The following CDH2 variants were observed in gnomAD, a reference collection of about 807,000 sequenced individuals.
The protein encoded by CDH2 is cadherin-2.
Under a neutral mutation model 92.0 loss-of-function variants are expected in CDH2, and 17 were observed. That is an observed-to-expected ratio of 0.18 (90% CI 0.13 to 0.28). CDH2 has a LOEUF of 0.28. Ranked by LOEUF, CDH2 falls within the 10% of genes least tolerant of loss-of-function variation. The pLI is 1.00. For synonymous variants in CDH2, 419 were observed against 415.9 expected, an observed-to-expected ratio of 1.01 and a Z score of -0.09; for missense variants, 862 against 1,133.1, an observed-to-expected ratio of 0.76 and a Z score of 3.44.
At chr18:27,998,607 G>C (rs2012663809) in intron 7 of CDH2, among the ~76,000 whole-genome samples, 1 of 152,158 alleles carries the variant, frequency 6.6e-6, no homozygotes, top group African/African-American at 2.4e-5. Context: ...AGGAGTGGAA[G>C]TATTTTTTGC....
Position 27,990,332 on chromosome 18 carries a change from T to C in CDH2, c.1363A>G (p.Asn455Asp). 6.2e-7 allele frequency: 1 copy of C among 1,611,428 alleles called. No homozygotes were observed. Among genetic ancestry groups the C allele is most frequent in the East Asian group, 2.2e-5 (1 of 44,822 alleles). The change falls in exon 10 of 16, where the codon AAT becomes GAT. Residue 455 changes from asparagine to aspartate, a missense_variant. Asn to Asp is a conservative substitution (Grantham distance 23). Coordinates refer to ENST00000269141, the MANE Select transcript of CDH2 (RefSeq NM_001792.5). ...GCAACAGTAAGGACAAACATCCTAT[T>C]TGTTTCAAAGTCGATTGGCTGGAAA... is the stretch of plus-strand genomic sequence containing the variant. ...TVVKPIDFET[N>D]RMFVLTVAAE...
chr18:28,062,643 A>G (rs1294228329), intron 2 of CDH2, among the ~76,000 whole-genome samples: 1 of 152,198 alleles, frequency 6.6e-6, no homozygotes, highest in Non-Finnish European at 1.5e-5. Context: ...ATGATGCAAC[A>G]TTAAGAAAAA....
chr18:28,039,970 C>T (rs982731942), intron 2 of CDH2, among the ~76,000 whole-genome samples: 4 of 152,118 alleles, frequency 2.6e-5, no homozygotes, highest in South Asian at 2.1e-4. Context: ...AACAACTGAC[C>T]GGCAATGCCA....
At chr18:27,944,685 CTGAAG>C (rs1414823007) in intron 6 of CDH2, among the ~76,000 whole-genome samples, 2 of 143,414 alleles carry the variant, frequency 1.4e-5, no homozygotes, top group Non-Finnish European at 3.0e-5. Context: ...ATTTGAGAGG[CTGAAG>C]TGGAGGATCA....
At chr18:27,972,476 A>G (rs928364096) in intron 14 of CDH2, among the ~76,000 whole-genome samples, 2 of 152,224 alleles carry the variant, frequency 1.3e-5, no homozygotes, top group Admixed American at 6.5e-5. Context: ...AGCAGTGTCC[A>G]TTTCATGGAG....
chr18:27,985,484 ATCTC>A, intron 12 of CDH2, 40 bp downstream of exon 12: 2 of 1,295,758 alleles, frequency 1.5e-6, no homozygotes, highest in Admixed American at 4.0e-5. Context: ...AGGCTTCAAA[ATCTC>A]TCAACTGCAC....
intron 2 of CDH2, among the ~76,000 whole-genome samples, chr18:28,015,195 A>G (rs1430083636): frequency 6.6e-6 from 1 of 152,218 alleles, no homozygotes; most frequent in Non-Finnish European, 1.5e-5. Flanking sequence ...CCACATCTAA[A>G]TAACAGGCAT....
intron 1 of CDH2, among the ~76,000 whole-genome samples, chr18:28,171,922 TC>T (rs991409112): frequency 1.3e-5 from 2 of 152,174 alleles, no homozygotes; most frequent in Non-Finnish European, 2.9e-5. Flanking sequence ...ACAAGGGCAT[TC>T]ACTTACACAG....
At chr18:28,094,566 G>A (rs1219558351) in intron 2 of CDH2, among the ~76,000 whole-genome samples, 4 of 151,576 alleles carry the variant, frequency 2.6e-5, no homozygotes, top group Non-Finnish European at 4.4e-5. Flanking sequence ...AGGCTGAGGC[G>A]GGCGGATCAC....
At chr18:28,149,167 A>C (rs1183366510) in intron 1 of CDH2, among the ~76,000 whole-genome samples, 1 of 152,184 alleles carries the variant, frequency 6.6e-6, no homozygotes, top group African/African-American at 2.4e-5. Flanking sequence ...ATGAATGTGG[A>C]TATATCCTCC....
intron 1 of CDH2, among the ~76,000 whole-genome samples, chr18:28,173,800 G>T (rs1177701492): frequency 6.6e-6 from 1 of 152,080 alleles, no homozygotes; most frequent in East Asian, 1.9e-4. Context: ...TAGGTCAATG[G>T]TAAAAGCAAC....
intron 2 of CDH2, among the ~76,000 whole-genome samples, chr18:28,058,449 A>C (rs1285065057): frequency 6.6e-6 from 1 of 152,202 alleles, no homozygotes; most frequent in African/African-American, 2.4e-5. Flanking sequence ...TGGCCCCTCC[A>C]GGCTCACGCA....
intron 2 of CDH2, among the ~76,000 whole-genome samples, chr18:28,143,037 C>A (rs1477920462): frequency 1.3e-5 from 2 of 152,018 alleles, no homozygotes; most frequent in African/African-American, 4.8e-5. Context: ...AGACAAGCCT[C>A]AATCAGTAAG....
chr18:27,963,556 T>C (rs1396525437), intron 14 of CDH2, 35 bp from the exon 15 acceptor site: 3 of 1,601,842 alleles, frequency 1.9e-6, no homozygotes, highest in Admixed American at 1.7e-5. Flanking sequence ...CGATGGGAGA[T>C]GGGCACAAAG....
At chr18:28,150,579 C>T (rs185723909) in intron 1 of CDH2, among the ~76,000 whole-genome samples, 26 of 152,240 alleles carry the variant, frequency 1.7e-4, no homozygotes, top group Non-Finnish European at 3.4e-4. Context: ...CAATGTGCTG[C>T]CCCTTACTAA....
intron 2 of CDH2, among the ~76,000 whole-genome samples, chr18:28,103,162 T>C (rs2144236913): frequency 6.9e-6 from 1 of 145,450 alleles, no homozygotes; most frequent in Non-Finnish European, 1.5e-5. Context: ...ATAAACTCCT[T>C]TATATATATA....
intron 15 of CDH2, among the ~76,000 whole-genome samples, chr18:27,953,805 A>C (rs1352253039): frequency 6.6e-6 from 1 of 152,210 alleles, no homozygotes; most frequent in African/African-American, 2.4e-5. Context: ...AATGCAATAA[A>C]GGGACCCGAG....
At chr18:28,152,205 C>A (rs942219822) in intron 1 of CDH2, among the ~76,000 whole-genome samples, 2 of 152,088 alleles carry the variant, frequency 1.3e-5, no homozygotes, top group African/African-American at 4.8e-5. Context: ...ATGAGCAAAT[C>A]GATTCTCACA....
rs554847894 is a variant in CDH2 at position 28,031,298 on chromosome 18, T to C, written c.173-17389A>G. 2.9e-4 allele frequency among the ~76,000 whole-genome samples: 44 copies of C among 152,168 alleles called. No individual in the cohort carries two copies. The Middle Eastern group carries it at 0.017, about 59-fold the overall frequency. ...CTAAATGTAATCTATTTGCAAGTTC[T>C]AACAGCTCCACTTCCAAAATATATC... On this transcript the variant is annotated intron_variant, in intron 2 of 15. Transcript: ENST00000269141.
Sources: gnomAD v4.1 joint callset for allele counts (sites outside exome capture counted in the v4.1 genomes callset) on GRCh38, gnomAD v4.1.1 for gene constraint, MANE v1.5 for transcripts, NCBI Gene and HGNC (gene_info 2026-07-23, HGNC 2026-07-21) for gene names.